Variants in HPSE2 observed in about 807,000 individuals in gnomAD.
HPSE2 encodes the protein heparanase 2 (inactive), also known as inactive heparanase-2.
In HPSE2, 38 loss-of-function variants were observed where a neutral mutation model predicts 60.5. The ratio of observed to expected loss-of-function variants is 0.63; its 90% CI spans 0.48 to 0.82. The LOEUF (loss-of-function observed/expected upper bound fraction) is 0.82. Ranked by LOEUF, HPSE2 falls within the 40% of genes least tolerant of loss-of-function variation. The probability of loss-of-function intolerance (pLI) is 0.00; values close to 1 mark genes in which losing one functional copy is unlikely to be tolerated. For missense variants in HPSE2, 713 were observed against 740.4 expected (o/e 0.96, Z 0.43); for synonymous variants, 295 against 293.2 (o/e 1.01, Z -0.06).
intron 8 of HPSE2, among the ~76,000 whole-genome samples, chr10:98,616,490 A>G (rs891416732): frequency 2.6e-5 from 4 of 152,200 alleles, no homozygotes; most frequent in Non-Finnish European, 5.9e-5. Context: ...AGCCATATGG[A>G]GCTCCAAACC....
chr10:98,770,314 ACTAT>A (rs1246133409), intron 3 of HPSE2, among the ~76,000 whole-genome samples: 1 of 152,184 alleles, frequency 6.6e-6, no homozygotes, highest in African/African-American at 2.4e-5. Context: ...CCTAGGTGTA[ACTAT>A]CTGTGTGTAT....
chr10:98,839,049 G>A (rs1951854346), intron 3 of HPSE2, among the ~76,000 whole-genome samples: 1 of 152,130 alleles, frequency 6.6e-6, no homozygotes. Flanking sequence ...AAGAGTATGT[G>A]ATTCACATTT....
the HPSE2 span, among the ~76,000 whole-genome samples, chr10:99,264,994 G>C: frequency 6.6e-6 from 1 of 152,100 alleles, no homozygotes; most frequent in Non-Finnish European, 1.5e-5. Context: ...AAGAAGACAG[G>C]AATGTCAGGC....
chr10:98,815,376 T>C (rs1309097151), intron 3 of HPSE2, among the ~76,000 whole-genome samples: 1 of 152,218 alleles, frequency 6.6e-6, no homozygotes, highest in African/African-American at 2.4e-5. Context: ...TGAGGTTAGC[T>C]GTCTTTCATG....
intron 3 of HPSE2, among the ~76,000 whole-genome samples, chr10:99,135,469 C>T (rs1845610094): frequency 6.6e-6 from 1 of 152,204 alleles, no homozygotes; most frequent in South Asian, 2.1e-4. Flanking sequence ...TAAAACACTC[C>T]TCAGCAGATG....
At chr10:98,973,745 A>G (rs1222959336) in intron 3 of HPSE2, among the ~76,000 whole-genome samples, 1 of 151,930 alleles carries the variant, frequency 6.6e-6, no homozygotes, top group East Asian at 1.9e-4. Context: ...AAAATAAGGG[A>G]CCTGAGTTTT....
intron 2 of HPSE2, among the ~76,000 whole-genome samples, chr10:99,193,803 A>G (rs1315708709): frequency 6.6e-6 from 1 of 152,160 alleles, no homozygotes; most frequent in African/African-American, 2.4e-5. Context: ...AAATATTATT[A>G]GAGCTAATGA....
intron 7 of HPSE2, among the ~76,000 whole-genome samples, chr10:98,632,298 C>T (rs932240273): frequency 6.6e-6 from 1 of 152,112 alleles, no homozygotes; most frequent in Admixed American, 6.6e-5. Context: ...GCATTTTTCA[C>T]AATTCAATGC....
chr10:98,530,361 T>C (rs79908343), intron 9 of HPSE2, among the ~76,000 whole-genome samples: 4,886 of 152,280 alleles, frequency 0.032, 148 homozygotes, highest in African/African-American at 0.084. Flanking sequence ...ACCAGATTTC[T>C]GAGCCCCATC....
intron 3 of HPSE2, among the ~76,000 whole-genome samples, chr10:99,112,541 G>A (rs1413366186): frequency 6.6e-6 from 1 of 151,758 alleles, no homozygotes; most frequent in Non-Finnish European, 1.5e-5. Context: ...CGTTTGCCTC[G>A]GCCTCCCAAA....
intron 3 of HPSE2, among the ~76,000 whole-genome samples, chr10:99,103,856 C>A (rs189824079): frequency 1.5e-3 from 233 of 152,264 alleles, no homozygotes; most frequent in Non-Finnish European, 2.1e-3. Flanking sequence ...TGATCATTGA[C>A]AAACCTGACA....
At chr10:98,729,155 G>A (rs1949165759) in intron 4 of HPSE2, among the ~76,000 whole-genome samples, 1 of 152,146 alleles carries the variant, frequency 6.6e-6, no homozygotes, top group Non-Finnish European at 1.5e-5. Context: ...GATGGCACAT[G>A]TAAAGTCAAT....
chr10:99,028,152 G>A (rs1957419577), intron 3 of HPSE2, among the ~76,000 whole-genome samples: 1 of 152,084 alleles, frequency 6.6e-6, no homozygotes, highest in Non-Finnish European at 1.5e-5. Context: ...CCTAGCTAGA[G>A]CAACCAGACA....
chr10:98,838,600 C>CT lies in HPSE2; in HGVS notation c.611-94545dup, dbSNP rs747437378. ...CCACCATGCCTGGCTAATTTTTTAA[C>CT]TTTTTTTTTTTTTTAGAGATGGGGT... On this transcript the variant is annotated intron_variant, in intron 3 of 11. Coordinates refer to ENST00000370552, the MANE Select transcript of HPSE2 (RefSeq NM_021828.5). Among the ~76,000 whole-genome samples, 461 of 141,630 alleles carry CT rather than the reference C, an allele frequency of 3.3e-3. 1 individual carries two copies. The highest frequency in any genetic ancestry group is 0.019 in the East Asian group (91 of 4,860). 92.9% of individuals were successfully genotyped at this position (141,630 alleles called of 152,430 possible). A position where few individuals can be genotyped will look rare whatever the true frequency, so the allele number is the denominator to read the frequency against.
chr10:99,116,687 G>A (rs1397238591), intron 3 of HPSE2, among the ~76,000 whole-genome samples: 1 of 152,150 alleles, frequency 6.6e-6, no homozygotes, highest in Non-Finnish European at 1.5e-5. Flanking sequence ...ATGAAAAAGT[G>A]CCCTGTGAGA....
At chr10:98,602,208 T>C (rs1442668121) in intron 9 of HPSE2, among the ~76,000 whole-genome samples, 1 of 152,118 alleles carries the variant, frequency 6.6e-6, no homozygotes, top group Admixed American at 6.6e-5. Context: ...ACCAAAATGG[T>C]ACCTTGGCTT....
At chr10:98,974,801 A>G (rs1206813258) in intron 3 of HPSE2, among the ~76,000 whole-genome samples, 2 of 152,192 alleles carry the variant, frequency 1.3e-5, no homozygotes, top group African/African-American at 2.4e-5. Flanking sequence ...TTTGTTGTTA[A>G]TAAATACCTC....
At position 99,144,367 on chromosome 10, in the gene HPSE2, G is replaced by T. The variant is rs574724903; in HGVS notation, c.481C>A (p.Gln161Lys). The change falls in exon 3 of 12, where the codon CAG becomes AAG. Residue 161 changes from glutamine to lysine, a missense_variant. By Grantham distance (53) the Gln-to-Lys change is moderately conservative. Coordinates refer to ENST00000370552, the MANE Select transcript of HPSE2 (RefSeq NM_021828.5). ...TGCTGGGCAATCTTGCAGCCTTTCT[G>T]TTTATCTAAGGCAACATCACTTCGA... ...IVRSDVALDKQKGCKIAQHPD... is the reference protein window; with the variant it reads ...IVRSDVALDKKKGCKIAQHPD... The T allele has an allele frequency of 2.5e-5, 41 of 1,613,958 alleles. No homozygotes were observed. Among genetic ancestry groups the T allele is most frequent in the South Asian group, 1.8e-4 (16 of 91,070 alleles).
chr10:98,476,931 A>T (rs529441112), intron 11 of HPSE2, among the ~76,000 whole-genome samples: 2 of 152,290 alleles, frequency 1.3e-5, no homozygotes, highest in East Asian at 3.9e-4. Flanking sequence ...CCTATGATGA[A>T]ATGAACCCAG....
Sources: gnomAD v4.1 joint callset for allele counts (sites outside exome capture counted in the v4.1 genomes callset) on GRCh38, gnomAD v4.1.1 for gene constraint, MANE v1.5 for transcripts, NCBI Gene and HGNC (gene_info 2026-07-23, HGNC 2026-07-21) for gene names.